Variants in COG3 observed in about 807,000 individuals in gnomAD.
COG3 encodes the protein conserved oligomeric Golgi complex subunit 3.
Under a neutral mutation model 114.1 loss-of-function variants are expected in COG3, and 32 were observed. That is an observed-to-expected ratio of 0.28 (90% CI 0.21 to 0.38). COG3 has a LOEUF of 0.38. Among genes scored for constraint, COG3 ranks in the 10% least tolerant of loss-of-function variants. The pLI, the probability that COG3 is intolerant of heterozygous loss-of-function variation, is 1.00. For synonymous variants in COG3, 352 were observed against 365.7 expected, an observed-to-expected ratio of 0.96 and a Z score of 0.43; for missense variants, 813 against 973.2, an observed-to-expected ratio of 0.84 and a Z score of 2.19.
At chr13:45,530,645 A>G in intron 21 of COG3, 37 bp from the exon 22 acceptor site, 7 of 1,261,502 alleles carry the variant, frequency 5.5e-6, no homozygotes, top group Non-Finnish European at 7.0e-6. Flanking sequence ...TGTTTAAGAC[A>G]ACTCATTTGA....
chr13:45,525,663 G>A (rs1346613537), intron 20 of COG3, among the ~76,000 whole-genome samples: 3 of 28,342 alleles, frequency 1.1e-4, no homozygotes, highest in Non-Finnish European at 1.5e-4. Context: ...GGTCTTTAGC[G>A]TTAGACATTT....
In COG3 at chr13:45,532,962, T is replaced by C. The variant is rs1873301743; in HGVS notation, c.2458-1740T>C. On this transcript the variant is annotated intron_variant, in intron 22 of 22. Transcript: ENST00000349995. Reference sequence around the variant, plus strand: ...CAAGGAGGGGAAAATATCTTGACAATGTGGGTGGAATTTCAGGAACAGGCA... The same window carrying C: ...CAAGGAGGGGAAAATATCTTGACAACGTGGGTGGAATTTCAGGAACAGGCA... Among the ~76,000 whole-genome samples, 8 of 151,686 alleles carry C rather than the reference T, an allele frequency of 5.3e-5. No homozygotes were observed. The South Asian group carries it at 1.5e-3, about 28-fold the overall frequency.
intron 13 of COG3, among the ~76,000 whole-genome samples, chr13:45,502,621 ATTAATT>A (rs1869669200): frequency 6.6e-6 from 1 of 151,860 alleles, no homozygotes; most frequent in East Asian, 1.9e-4. Context: ...TTCTCTGGCT[ATTAATT>A]TTTTTTTTTA....
chr13:45,530,843 A>G, intron 22 of COG3, 63 bp downstream of exon 22: 1 of 1,527,742 alleles, frequency 6.5e-7, no homozygotes, highest in South Asian at 1.3e-5. Flanking sequence ...ACCTGAGTAG[A>G]TAATGTCTTT....
At chr13:45,508,068 TAAAAAAAAAA>T (rs10571583) in intron 14 of COG3, among the ~76,000 whole-genome samples, 417 of 32,274 alleles carry the variant, frequency 0.013, 5 homozygotes, top group African/African-American at 0.048. Context: ...AGGTCCAACC[TAAAAAAAAAA>T]AAAAAAAAAA....
At chr13:45,465,303 A>C (rs1885064653) in intron 1 of COG3, 93 bp downstream of exon 1, 2 of 1,497,512 alleles carry the variant, frequency 1.3e-6, no homozygotes, top group East Asian at 4.9e-5. Context: ...GCCTCTGCCC[A>C]GGATATCTCT....
chr13:45,489,870 G>A (rs2137825427), intron 8 of COG3, among the ~76,000 whole-genome samples: 2 of 149,208 alleles, frequency 1.3e-5, no homozygotes, highest in Middle Eastern at 3.5e-3. Flanking sequence ...AAATAGGCAA[G>A]ACTAAAGAAG....
At chr13:45,485,202 C>T (rs1206265006) in intron 7 of COG3, among the ~76,000 whole-genome samples, 33 of 143,052 alleles carry the variant, frequency 2.3e-4, no homozygotes, top group Non-Finnish European at 4.6e-4. Flanking sequence ...CCTCACCTCC[C>T]GGACGGGGCG....
chr13:45,488,276 G>A (rs1052519966), intron 8 of COG3, among the ~76,000 whole-genome samples: 3 of 151,906 alleles, frequency 2.0e-5, no homozygotes, highest in African/African-American at 7.3e-5. Flanking sequence ...TAAATGTACA[G>A]TTTAATAGTA....
chr13:45,502,275 T>C (rs1170558645), intron 13 of COG3, among the ~76,000 whole-genome samples: 9 of 152,204 alleles, frequency 5.9e-5, no homozygotes, highest in African/African-American at 2.2e-4. Context: ...TAGATAAGAA[T>C]GCCTGTTTTA....
intron 14 of COG3, among the ~76,000 whole-genome samples, chr13:45,509,280 C>T (rs1380874392): frequency 3.3e-5 from 5 of 152,188 alleles, no homozygotes; most frequent in African/African-American, 9.7e-5. Context: ...CCTCATGATC[C>T]GCCTGCCTCG....
chr13:45,480,059 TG>T, intron 3 of COG3, 65 bp from the exon 4 acceptor site: 1 of 1,396,444 alleles, frequency 7.2e-7, no homozygotes, highest in Non-Finnish European at 9.7e-7. Context: ...GAGCCTTTGT[TG>T]TTTTTTTACT....
chr13:45,517,997 A>G (rs1304475052), intron 17 of COG3, among the ~76,000 whole-genome samples: 1 of 152,198 alleles, frequency 6.6e-6, no homozygotes, highest in Non-Finnish European at 1.5e-5. Context: ...TAGAAAAGAC[A>G]GCAGACACAA....
chr13:45,516,543 A>G (rs1871561867), intron 17 of COG3, among the ~76,000 whole-genome samples: 1 of 152,222 alleles, frequency 6.6e-6, no homozygotes, highest in Admixed American at 6.5e-5. Flanking sequence ...AAAGTGAAAA[A>G]TCTGTATAAT....
At chr13:45,518,924 A>C in intron 18 of COG3, 36 bp from the exon 19 acceptor site, 1 of 1,613,736 alleles carries the variant, frequency 6.2e-7, no homozygotes, top group Non-Finnish European at 8.5e-7. Flanking sequence ...TTCTAGGCAC[A>C]TAAAAACAGG....
intron 6 of COG3, among the ~76,000 whole-genome samples, chr13:45,482,778 C>T (rs12583589): frequency 0.09 from 13,636 of 152,154 alleles, 785 homozygotes; most frequent in African/African-American, 0.15. Context: ...CAGGATGAGC[C>T]GTTTTTAAAT....
At chr13:45,474,303 G>A (rs1012970873) in intron 1 of COG3, among the ~76,000 whole-genome samples, 1 of 151,716 alleles carries the variant, frequency 6.6e-6, no homozygotes, top group African/African-American at 2.4e-5. Flanking sequence ...GACTACAGGC[G>A]CCTGCCACCA....
At chr13:45,493,235 C>T (rs535052609) in intron 11 of COG3, 112 bp from the exon 12 acceptor site, 4 of 777,706 alleles carry the variant, frequency 5.1e-6, no homozygotes, top group African/African-American at 3.5e-5. Context: ...TACTATTTTC[C>T]AGTAGATACT....
At chr13:45,533,650 C>T (rs1421143651) in intron 22 of COG3, among the ~76,000 whole-genome samples, 1 of 152,198 alleles carries the variant, frequency 6.6e-6, no homozygotes, top group African/African-American at 2.4e-5. Flanking sequence ...CGGTACCGTT[C>T]CTGCTGATCT....
Sources: gnomAD v4.1 joint callset for allele counts (sites outside exome capture counted in the v4.1 genomes callset) on GRCh38, gnomAD v4.1.1 for gene constraint, MANE v1.5 for transcripts, NCBI Gene and HGNC (gene_info 2026-07-23, HGNC 2026-07-21) for gene names.